NSD1: variants seen among roughly 807,000 people sequenced by gnomAD.
NSD1 encodes the protein histone-lysine N-methyltransferase, H3 lysine-36 specific.
In NSD1, 26 loss-of-function variants were observed where a neutral mutation model predicts 242.7. That is an observed-to-expected ratio of 0.11 (90% CI 0.08 to 0.15). NSD1 has a LOEUF of 0.15. Ranked by LOEUF, NSD1 falls within the 10% of genes least tolerant of loss-of-function variation. The pLI is 1.00. For synonymous variants in NSD1, 1,106 were observed against 1,178.1 expected (o/e 0.94, Z 1.25); for missense variants, 2,495 against 3,272.8 (o/e 0.76, Z 5.80).
At chr5:177,275,745 T>C (rs4976680) in intron 17 of NSD1, among the ~76,000 whole-genome samples, 97,065 of 151,958 alleles carry the variant, frequency 0.64, 34,272 homozygotes, top group Non-Finnish European at 0.8. Context: ...CCTTTTCTTA[T>C]TATTTCTGTC....
At chr5:177,209,342 A>G (rs1217458364) in intron 4 of NSD1, among the ~76,000 whole-genome samples, 2 of 151,844 alleles carry the variant, frequency 1.3e-5, no homozygotes, top group African/African-American at 2.4e-5. Context: ...AGCCTGGCCA[A>G]TATGGTGAAA....
intron 2 of NSD1, among the ~76,000 whole-genome samples, chr5:177,163,531 A>C (rs1407165267): frequency 6.6e-6 from 1 of 152,164 alleles, no homozygotes; most frequent in Non-Finnish European, 1.5e-5. Flanking sequence ...ACCATACTTG[A>C]GTCCCGTGCT....
chr5:177,214,768 C>T (rs1409655297), intron 5 of NSD1, among the ~76,000 whole-genome samples: 2 of 150,426 alleles, frequency 1.3e-5, no homozygotes, highest in Admixed American at 6.7e-5. Context: ...CGTGGGTTCT[C>T]GGCTCACTGC....
intron 2 of NSD1, among the ~76,000 whole-genome samples, chr5:177,177,805 A>G (rs1211014636): frequency 6.6e-6 from 1 of 152,102 alleles, no homozygotes; most frequent in East Asian, 1.9e-4. Context: ...TTTTAAAGAA[A>G]TCTTTATTTC....
rs763728831 is a variant in NSD1 at position 177,293,906 on chromosome 5, A to G, written c.6538A>G (p.Ser2180Gly). ...EAASFCEMCPSSFCKQHREGM... is the reference protein window; with the variant it reads ...EAASFCEMCPGSFCKQHREGM... ...AGCCTCCTTCTGTGAGATGTGCCCCAGCTCCTTTTGTAAGCAGCATCGAGA... is the reference window on the plus strand; with the variant it reads ...AGCCTCCTTCTGTGAGATGTGCCCCGGCTCCTTTTGTAAGCAGCATCGAGA... The change falls in exon 23 of 23, where the codon AGC (serine) becomes GGC (glycine). Residue 2180 changes from serine to glycine, a missense_variant. Ser to Gly is a moderately conservative substitution (Grantham distance 56). Around this residue, in one of 19 missense-constraint regions of NSD1, gnomAD observed 33 missense variants for 134.8 expected, o/e 0.24. Transcript: ENST00000439151. 8.7e-6 allele frequency: 14 copies of G among 1,614,000 alleles called. No homozygotes were observed.
intron 2 of NSD1, among the ~76,000 whole-genome samples, chr5:177,140,788 G>A (rs1224941923): frequency 6.6e-6 from 1 of 152,144 alleles, no homozygotes; most frequent in Non-Finnish European, 1.5e-5. Flanking sequence ...CTGATCTGGA[G>A]GCAGATTGGA....
chr5:177,252,354 A>G (rs1431823892), intron 12 of NSD1, among the ~76,000 whole-genome samples: 3 of 152,154 alleles, frequency 2.0e-5, no homozygotes, highest in Non-Finnish European at 4.4e-5. Context: ...TGTTTACTTC[A>G]TCAACTATAC....
intron 2 of NSD1, among the ~76,000 whole-genome samples, chr5:177,140,395 G>C (rs549332255): frequency 1.3e-5 from 2 of 152,262 alleles, no homozygotes; most frequent in African/African-American, 4.8e-5. Context: ...TGAAGCATTT[G>C]GTATTGATGT....
chr5:177,158,922 T>TTGTG lies in NSD1; in HGVS notation c.927+22906_927+22909dup, dbSNP rs560922028. Among the ~76,000 whole-genome samples, 337 of 132,382 alleles carry TTGTG rather than the reference T, an allele frequency of 2.5e-3. 3 individuals carry two copies. Among genetic ancestry groups the TTGTG allele is most frequent in the African/African-American group, 1.0e-2 (317 of 31,706 alleles). The allele number at this position is 132,382 out of a possible 152,430, so 86.8% of individuals were successfully genotyped here. On this transcript the variant is annotated intron_variant, in intron 2 of 22. Coordinates refer to ENST00000439151, the MANE Select transcript of NSD1 (RefSeq NM_022455.5). ...CTTTGGAAAGTTTTTTATATATAGT[T>TTGTG]TGTGTGTGTGTGTGTGTATATATAC...
intron 5 of NSD1, among the ~76,000 whole-genome samples, chr5:177,229,609 A>AGAGT (rs1764897848): frequency 1.3e-5 from 2 of 152,140 alleles, no homozygotes; most frequent in Admixed American, 1.3e-4. Flanking sequence ...CTCTGTAGTA[A>AGAGT]GAGTAGGTGA....
At position 177,299,340 on chromosome 5, in the gene NSD1, G is replaced by T. The variant is rs1225280834; in HGVS notation, c.*3881G>T. 1 of 233,200 alleles carries T rather than the reference G, an allele frequency of 4.3e-6. No homozygotes were observed. The highest frequency in any genetic ancestry group is 8.5e-6 in the Non-Finnish European group (1 of 118,062). 14.4% of individuals were successfully genotyped at this position (233,200 alleles called of 1,614,324 possible). ...AAAGTGGGGAGAAGGAAGATCCTCA[G>T]TGAAGCCTGCACCCAACCCTGGAGT... On this transcript the variant is annotated 3_prime_UTR_variant, in exon 23 of 23. Transcript: ENST00000439151.
chr5:177,245,966 T>A (rs76094102), intron 9 of NSD1, among the ~76,000 whole-genome samples: 1,307 of 37,072 alleles, frequency 0.035, 16 homozygotes, highest in Non-Finnish European at 0.064. Flanking sequence ...CTTTTATTTT[T>A]TTTATTTATT....
At chr5:177,172,765 C>A (rs1390400890) in intron 2 of NSD1, among the ~76,000 whole-genome samples, 1 of 151,780 alleles carries the variant, frequency 6.6e-6, no homozygotes, top group African/African-American at 2.4e-5. Flanking sequence ...TGGAGACCAG[C>A]CTAGGCAACA....
rs952452766 is a variant in NSD1 at position 177,300,180 on chromosome 5, A to T, written c.*4721A>T. On this transcript the variant is annotated 3_prime_UTR_variant, in exon 23 of 23. Coordinates refer to ENST00000439151, the MANE Select transcript of NSD1 (RefSeq NM_022455.5). ...GTAATTCTTTGTATATAGAAAAAAA[A>T]TTTACTGTAAAGTAAAGTTTAACTT... The T allele has an allele frequency of 4.4e-6, 1 of 226,628 alleles. No homozygotes were observed. The highest frequency in any genetic ancestry group is 5.7e-5 in the Admixed American group (1 of 17,520). The allele number at this position is 226,628 out of a possible 1,614,324, so 14.0% of individuals were successfully genotyped here.
intron 2 of NSD1, among the ~76,000 whole-genome samples, chr5:177,146,042 C>G (rs1426387166): frequency 1.3e-5 from 2 of 150,800 alleles, no homozygotes; most frequent in African/African-American, 4.9e-5. Flanking sequence ...TGAACACTGA[C>G]TGTGCCACTG....
intron 5 of NSD1, among the ~76,000 whole-genome samples, chr5:177,217,859 G>A (rs573847316): frequency 2.8e-4 from 43 of 151,608 alleles, no homozygotes; most frequent in African/African-American, 1.0e-3. Flanking sequence ...TAGTGGAGAC[G>A]GGGTTTCACC....
chr5:177,213,424 C>T (rs1763515098), intron 5 of NSD1, among the ~76,000 whole-genome samples: 1 of 152,148 alleles, frequency 6.6e-6, no homozygotes, highest in African/African-American at 2.4e-5. Context: ...TTGCATCATC[C>T]CAGACAGAAA....
Position 177,248,277 on chromosome 5 carries a change from C to G in NSD1, c.4594C>G (p.Gln1532Glu). 1.2e-6 allele frequency: 2 copies of G among 1,613,912 alleles called. No homozygotes were observed. The highest frequency in any genetic ancestry group is 1.7e-6 in the Non-Finnish European group (2 of 1,179,948). Residue 1532 changes from glutamine (Q) to glutamate (E), a missense_variant, in exon 11 of 23, where the codon CAG (glutamine) becomes GAG (glutamate). Transcript: ENST00000439151. The stretch of plus-strand genomic sequence containing the variant: ...CGGGATGCCTGCCTCTAAAAAAATG[C>G]AGGGTGAACGCGGTGGAGGAGCTGC... ...DPGMPASKKM[Q>E]GERGGGAALK... is the part of the protein sequence containing the mutation.
At chr5:177,194,806 A>C (rs1017616945) in intron 3 of NSD1, among the ~76,000 whole-genome samples, 5 of 139,088 alleles carry the variant, frequency 3.6e-5, no homozygotes, top group African/African-American at 8.4e-5. Flanking sequence ...GGTTCACACC[A>C]TTCTCCTGCC....
Sources: allele counts gnomAD v4.1 joint callset (sites outside exome capture counted in the v4.1 genomes callset), GRCh38; gene constraint gnomAD v4.1.1; regional missense constraint gnomAD v4.1.1; transcripts MANE v1.5; gene names NCBI Gene and HGNC (gene_info 2026-07-23, HGNC 2026-07-21).